CP: variants seen among roughly 807,000 people sequenced by gnomAD.
CP encodes ceruloplasmin, also known as caeruloplasmin.
A neutral mutation model predicts 122.4 loss-of-function variants in CP; 64 were observed. That is an observed-to-expected ratio of 0.52 (90% CI 0.43 to 0.64). CP has a LOEUF of 0.64. Ranked by LOEUF, CP falls within the 30% of genes least tolerant of loss-of-function variation. The pLI, the probability that CP is intolerant of heterozygous loss-of-function variation, is 0.00. For missense variants in CP, 1,167 were observed against 1,284.4 expected (o/e 0.91, Z 1.40); for synonymous variants, 440 against 436.4 (o/e 1.01, Z -0.10).
intron 5 of CP, among the ~76,000 whole-genome samples, chr3:149,165,013 G>A (rs568236329): frequency 3.3e-5 from 5 of 152,316 alleles, no homozygotes; most frequent in African/African-American, 9.6e-5. Context: ...CTTAGACTCA[G>A]CCTTCAGGTG....
intron 1 of CP, among the ~76,000 whole-genome samples, chr3:149,217,439 C>T (rs531468594): frequency 5.3e-5 from 8 of 152,214 alleles, no homozygotes; most frequent in South Asian, 2.1e-4. Context: ...AATGAAACTT[C>T]GAATCTGTAA....
At chr3:149,170,504 A>G (rs1724870894), downstream of CP, 1 of 152,230 alleles carries the variant, frequency 6.6e-6, no homozygotes, top group Non-Finnish European at 1.5e-5. Context: ...AAGCTAGCAG[A>G]CAGTACCACT....
chr3:149,163,820 G>T (rs1724133123), intron 5 of CP: 2 of 1,285,068 alleles, frequency 1.6e-6, no homozygotes, highest in Non-Finnish European at 2.3e-6. Flanking sequence ...TTTTGTTTAT[G>T]AGAAATTCTT....
chr3:149,220,202 T>G (rs1279787652), intron 1 of CP, among the ~76,000 whole-genome samples: 3 of 152,204 alleles, frequency 2.0e-5, no homozygotes, highest in African/African-American at 7.2e-5. Context: ...TTAAAGATTT[T>G]TTTTTGAAGC....
rs780397259 is a variant in CP, at chr3:149,194,472, C to T, written c.1713+3895G>A. Among the ~76,000 whole-genome samples, 5 of 152,220 alleles carry T rather than the reference C, an allele frequency of 3.3e-5. No homozygotes were observed. The East Asian group carries it at 9.7e-4, about 29-fold the overall frequency. On this transcript the variant is annotated intron_variant, in intron 9 of 18. Coordinates refer to ENST00000264613, the MANE Select transcript of CP (RefSeq NM_000096.4). ...CAGTCTGGTCTGAAACTCTTGACCT[C>T]AAGTGATCCACTGACCTCAGCCTCT...
downstream of CP, chr3:149,172,317 A>ATCTC (rs1553756780): frequency 9.4e-6 from 6 of 640,892 alleles, no homozygotes; most frequent in Non-Finnish European, 1.3e-5. Flanking sequence ...TATTTTATAT[A>ATCTC]TCACACACAC....
downstream of CP, among the ~76,000 whole-genome samples, chr3:149,167,672 T>C (rs1000700749): frequency 6.6e-6 from 1 of 152,168 alleles, no homozygotes; most frequent in African/African-American, 2.4e-5. Context: ...ATATGTACAA[T>C]ATATGTATTA....
At chr3:149,221,449 C>T (rs1178742547) in intron 1 of CP, among the ~76,000 whole-genome samples, 198 bp downstream of exon 1, 1 of 151,988 alleles carries the variant, frequency 6.6e-6, no homozygotes, top group East Asian at 1.9e-4. Flanking sequence ...CCAGGAACAA[C>T]AGGAAAGAAG....
intron 2 of CP, among the ~76,000 whole-genome samples, chr3:149,211,129 C>T (rs1413672356): frequency 6.6e-6 from 1 of 152,078 alleles, no homozygotes; most frequent in Non-Finnish European, 1.5e-5. Context: ...TATCCCTAAA[C>T]AACAACAAAA....
intron 2 of CP, among the ~76,000 whole-genome samples, chr3:149,210,967 G>A (rs1236931070): frequency 6.6e-6 from 1 of 152,120 alleles, no homozygotes; most frequent in Non-Finnish European, 1.5e-5. Flanking sequence ...ACTTGAGTAT[G>A]TATCTCTAAA....
At chr3:149,213,969 A>G (rs1191174897) in intron 1 of CP, among the ~76,000 whole-genome samples, 3 of 152,176 alleles carry the variant, frequency 2.0e-5, no homozygotes, top group Non-Finnish European at 4.4e-5. Flanking sequence ...GTGAAATGCA[A>G]ACTCCTGGGA....
chr3:149,214,230 C>T lies in CP; in HGVS notation c.147-1532G>A, dbSNP rs560511676. Among the ~76,000 whole-genome samples, 381 of 152,184 alleles carry T rather than the reference C, an allele frequency of 2.5e-3. 3 individuals are homozygous for T. Among genetic ancestry groups the T allele is most frequent in the African/African-American group, 8.8e-3 (365 of 41,510 alleles). ...ATACCTGGAAGTGGCAGGACCTCTG[C>T]GGTGGAGGCTATATAGATTAAGCCT... On this transcript the variant is annotated intron_variant, in intron 1 of 18. Transcript: ENST00000264613.
intron 1 of CP, among the ~76,000 whole-genome samples, chr3:149,218,568 G>T (rs1246484965): frequency 6.6e-6 from 1 of 152,048 alleles, no homozygotes; most frequent in Non-Finnish European, 1.5e-5. Flanking sequence ...CACTAACCCT[G>T]CATATAATCC....
At position 149,173,538 on chromosome 3, in the gene CP, T is replaced by C. The variant is rs1310043109; in HGVS notation, c.*176A>G. On this transcript the variant is annotated 3_prime_UTR_variant, in exon 19 of 19. Transcript: ENST00000264613. ...TGTATCATTATATAGTCTGTTGATC[T>C]TTCCATTTGCAAAAAATTAATAGTT... 10 of 508,032 alleles carry C rather than the reference T, an allele frequency of 2.0e-5. No homozygotes were observed. Among genetic ancestry groups the C allele is most frequent in the Non-Finnish European group, 2.9e-5 (8 of 277,274 alleles). The allele number at this position is 508,032 out of a possible 1,614,324, so 31.5% of individuals were successfully genotyped here.
At chr3:149,215,524 T>C (rs1728412619) in intron 1 of CP, among the ~76,000 whole-genome samples, 1 of 152,246 alleles carries the variant, frequency 6.6e-6, no homozygotes, top group Admixed American at 6.5e-5. Flanking sequence ...CATCTTGCCT[T>C]TTATTGTGAA....
chr3:149,202,253 A>G lies in CP; in HGVS notation c.1209-12T>C. 1.9e-6 allele frequency: 3 copies of G among 1,614,090 alleles called. No individual in the cohort carries two copies. The highest frequency in any genetic ancestry group is 1.7e-6 in the Non-Finnish European group (2 of 1,179,986). On this transcript the variant is annotated splice_polypyrimidine_tract_variant and intron_variant, in intron 6 of 18. Transcript: ENST00000264613. Reference sequence around the variant, plus strand: ...ACACCGCTGAGTCACTGCAGGGGGAAAAAAGTGTTTAATGCTGGGGTTGAA... The same window carrying G: ...ACACCGCTGAGTCACTGCAGGGGGAGAAAAGTGTTTAATGCTGGGGTTGAA...
At chr3:149,173,908 G>T (rs1576721807) in intron 18 of CP, among the ~76,000 whole-genome samples, 178 bp from the exon 19 acceptor site, 1 of 151,968 alleles carries the variant, frequency 6.6e-6, no homozygotes, top group South Asian at 2.1e-4. Context: ...TTTAAAGAAA[G>T]ATTACTTTCT....
rs748996605 is a variant in CP at position 149,206,320 on chromosome 3, G to T, written c.1056C>A (p.Phe352Leu). The T allele has an allele frequency of 1.1e-5, 17 of 1,613,726 alleles. No individual in the cohort carries two copies. The highest frequency in any genetic ancestry group is 8.9e-5 in the East Asian group (4 of 44,878). The change falls in exon 6 of 19, where the codon TTC (phenylalanine) becomes TTA (leucine). Residue 352 changes from phenylalanine (F) to leucine (L), a missense_variant. Transcript: ENST00000264613. ...AAGACTTGTTACACTCCTGGACCTGGAAAAAGGCTTGCAAACCGGCTGAAA... is the reference window on the plus strand; with the variant it reads ...AAGACTTGTTACACTCCTGGACCTGTAAAAAGGCTTGCAAACCGGCTGAAA... ...NHLKAGLQAF[F>L]QVQECNKSSS...
At chr3:149,219,176 A>G (rs374859197) in intron 1 of CP, among the ~76,000 whole-genome samples, 1 of 152,216 alleles carries the variant, frequency 6.6e-6, no homozygotes, top group African/African-American at 2.4e-5. Flanking sequence ...AGTCCCACCT[A>G]GAGTTTGCAA....
Sources: allele counts gnomAD v4.1 joint callset (sites outside exome capture counted in the v4.1 genomes callset), GRCh38; gene constraint gnomAD v4.1.1; transcripts MANE v1.5; gene names NCBI Gene and HGNC (gene_info 2026-07-23, HGNC 2026-07-21).